The following ZNF18 variants were observed in gnomAD, a reference collection of about 807,000 sequenced individuals.
The protein encoded by ZNF18 is heart development-specific gene 1 protein.
Under a neutral mutation model 58.1 loss-of-function variants are expected in ZNF18, and 42 were observed. The ratio of observed to expected loss-of-function variants is 0.72; its 90% CI spans 0.56 to 0.93. The LOEUF is 0.93. ZNF18 is among the 40% of genes least tolerant of loss of function. The probability of loss-of-function intolerance (pLI) is 0.00; values close to 1 mark genes in which losing one functional copy is unlikely to be tolerated. For missense variants in ZNF18, 540 were observed against 644.2 expected, an observed-to-expected ratio of 0.84 and a Z score of 1.75; for synonymous variants, 231 against 239.8, an observed-to-expected ratio of 0.96 and a Z score of 0.34.
intron 4 of ZNF18, among the ~76,000 whole-genome samples, chr17:11,985,826 G>T (rs1211541639): frequency 6.6e-6 from 1 of 152,192 alleles, no homozygotes; most frequent in Non-Finnish European, 1.5e-5. Context: ...AGGGTTTGCA[G>T]AGAGAATTAA....
intron 6 of ZNF18, among the ~76,000 whole-genome samples, chr17:11,982,328 C>T (rs1225724071): frequency 6.6e-6 from 1 of 152,184 alleles, no homozygotes; most frequent in East Asian, 1.9e-4. Flanking sequence ...ACTACCCACC[C>T]CTACATCTGA....
chr17:11,984,795 C>T (rs1398080183), intron 4 of ZNF18, among the ~76,000 whole-genome samples: 1 of 152,156 alleles, frequency 6.6e-6, no homozygotes, highest in Non-Finnish European at 1.5e-5. Context: ...GTGTGAGCCA[C>T]CTTGCCTGGC....
chr17:12,020,677 A>C, the ZNF18 span: 92 of 349,996 alleles, frequency 2.6e-4, no homozygotes, highest in African/African-American at 1.7e-3. Context: ...TCTGCTTCAC[A>C]GGTCGCGCAC....
intron 4 of ZNF18, among the ~76,000 whole-genome samples, chr17:11,986,570 TA>T (rs1967755541): frequency 6.6e-6 from 1 of 152,256 alleles, no homozygotes; most frequent in African/African-American, 2.4e-5. Flanking sequence ...AACTTTAATT[TA>T]AATTTTTTAA....
In ZNF18 at chr17:11,984,143, G is replaced by C; in HGVS notation, c.721C>G (p.Leu241Val). The change falls in exon 5 of 7, where the codon CTG becomes GTG. Residue 241 changes from leucine to valine, a missense_variant. By Grantham distance (32) the Leu-to-Val change is conservative (BLOSUM62 1). Transcript: ENST00000580306. ...TQKEQYWDLM[L>V]ETYGKMVSGA... ...GAGACCATTTTCCCATAGGTCTCCA[G>C]CATGAGATCCCAGTATTGCTCCTTT... 1 of 1,611,530 alleles carries C rather than the reference G, an allele frequency of 6.2e-7. No homozygotes were observed. Among genetic ancestry groups the C allele is most frequent in the Non-Finnish European group, 8.5e-7 (1 of 1,179,420 alleles).
chr17:12,018,084 A>G, the ZNF18 span, among the ~76,000 whole-genome samples: 1 of 152,118 alleles, frequency 6.6e-6, no homozygotes, highest in South Asian at 2.1e-4. Context: ...CATCTACTCT[A>G]GTGGGAAGAT....
chr17:12,010,585 T>A, the ZNF18 span, among the ~76,000 whole-genome samples: 1 of 151,996 alleles, frequency 6.6e-6, no homozygotes, highest in African/African-American at 2.4e-5. Context: ...CCAGCTAATT[T>A]TTTTGTATTT....
At chr17:11,995,269 C>CGTG (rs34637738) in intron 1 of ZNF18, among the ~76,000 whole-genome samples, 129,789 of 150,732 alleles carry the variant, frequency 0.86, 59,128 homozygotes, top group East Asian at 1. Flanking sequence ...ATTAACCGGG[C>CGTG]GTGGTGGTGA....
chr17:11,985,986 T>C (rs1967714040), intron 4 of ZNF18, among the ~76,000 whole-genome samples: 1 of 152,220 alleles, frequency 6.6e-6, no homozygotes, highest in Admixed American at 6.5e-5. Flanking sequence ...ATGATTTGGC[T>C]CTGTGTCCCC....
the ZNF18 span, among the ~76,000 whole-genome samples, chr17:12,018,513 T>C: frequency 6.6e-6 from 1 of 152,216 alleles, no homozygotes; most frequent in East Asian, 1.9e-4. Context: ...CCCACTCGTA[T>C]GACCTCATTT....
chr17:12,018,399 C>T, the ZNF18 span, among the ~76,000 whole-genome samples: 1 of 152,290 alleles, frequency 6.6e-6, no homozygotes, highest in South Asian at 2.1e-4. Context: ...GAGTTGGTGT[C>T]TTTTGAGGAC....
At position 11,977,698 on chromosome 17, in the gene ZNF18, G is replaced by T; in HGVS notation, c.*259C>A. On this transcript the variant is annotated 3_prime_UTR_variant, in exon 7 of 7. Transcript: ENST00000580306. The stretch of plus-strand genomic sequence containing the variant: ...GATCTCCAATTTAGACTTTTTCCCC[G>T]ATGGGTCCAAAGGAAGGATGAGTGG... The T allele has an allele frequency of 2.7e-6, 1 of 375,006 alleles. No homozygotes were observed. Among genetic ancestry groups the T allele is most frequent in the Non-Finnish European group, 4.7e-6 (1 of 212,294 alleles). The allele number at this position is 375,006 out of a possible 1,614,324, so 23.2% of individuals were successfully genotyped here. A position where few individuals can be genotyped will look rare whatever the true frequency, so the allele number is the denominator to read the frequency against.
chr17:11,996,328 G>T (rs946562217), intron 1 of ZNF18, among the ~76,000 whole-genome samples: 11 of 152,210 alleles, frequency 7.2e-5, no homozygotes, highest in African/African-American at 2.6e-4. Context: ...AATAACAAGC[G>T]GCAAGATTTT....
upstream of ZNF18, chr17:11,998,512 TG>T (rs1246507391): frequency 7.3e-5 from 11 of 151,456 alleles, no homozygotes; most frequent in East Asian, 2.2e-3. Context: ...TAACATGTCC[TG>T]TACCTGTCAT....
At chr17:12,007,252 A>G in the ZNF18 span, among the ~76,000 whole-genome samples, 2 of 152,176 alleles carry the variant, frequency 1.3e-5, no homozygotes, top group Non-Finnish European at 2.9e-5. Flanking sequence ...CCAGAAAAAG[A>G]GCTGCAGCCT....
chr17:12,005,520 G>GAA, the ZNF18 span, among the ~76,000 whole-genome samples: 68 of 152,212 alleles, frequency 4.5e-4, no homozygotes, highest in African/African-American at 1.5e-3. Context: ...AGATGGCATT[G>GAA]AAAAACAAAT....
At chr17:11,978,839 T>TA in intron 6 of ZNF18, 95 bp from the exon 7 acceptor site, 26 of 553,356 alleles carry the variant, frequency 4.7e-5, no homozygotes, top group East Asian at 8.2e-5. Flanking sequence ...ACATTCATTT[T>TA]CTTTTTTTTT....
At chr17:12,006,522 T>C in the ZNF18 span, among the ~76,000 whole-genome samples, 1 of 152,192 alleles carries the variant, frequency 6.6e-6, no homozygotes, top group Non-Finnish European at 1.5e-5. Flanking sequence ...ATATCGTAAT[T>C]TGTATGTATC....
the ZNF18 span, among the ~76,000 whole-genome samples, chr17:12,003,163 G>A: frequency 1.3e-5 from 2 of 152,242 alleles, no homozygotes; most frequent in South Asian, 2.1e-4. Flanking sequence ...AGATCTTTAA[G>A]GTGTTCAAGA....
Sources: allele counts gnomAD v4.1 joint callset (sites outside exome capture counted in the v4.1 genomes callset), GRCh38; gene constraint gnomAD v4.1.1; transcripts MANE v1.5; gene names NCBI Gene and HGNC (gene_info 2026-07-23, HGNC 2026-07-21).